NTM: variants seen among roughly 807,000 people sequenced by gnomAD.
NTM encodes the protein IgLON family member 2.
NTM carries 13 observed loss-of-function variants against 42.1 expected under a neutral mutation model. The ratio of observed to expected loss-of-function variants is 0.31; its 90% CI spans 0.20 to 0.49. The LOEUF is 0.49. Ranked by LOEUF, NTM falls within the 20% of genes least tolerant of loss-of-function variation. The probability of loss-of-function intolerance (pLI) is 0.99; values close to 1 mark genes in which losing one functional copy is unlikely to be tolerated. For synonymous variants in NTM, 187 were observed against 179.2 expected, an observed-to-expected ratio of 1.04 and a Z score of -0.35; for missense variants, 373 against 452.8, an observed-to-expected ratio of 0.82 and a Z score of 1.60.
intron 1 of NTM, among the ~76,000 whole-genome samples, chr11:131,379,684 C>T (rs1171428122): frequency 3.3e-5 from 5 of 152,194 alleles, no homozygotes; most frequent in African/African-American, 1.2e-4. Flanking sequence ...TTCTACTACC[C>T]ACAGGACTGG....
At chr11:131,968,040 GCGA>G (rs1322167909) in intron 2 of NTM, among the ~76,000 whole-genome samples, 1 of 152,128 alleles carries the variant, frequency 6.6e-6, no homozygotes. Context: ...ATAAATAAAT[GCGA>G]AACCATGTGC....
At chr11:131,624,188 G>C (rs1199304472) in intron 1 of NTM, among the ~76,000 whole-genome samples, 1 of 152,166 alleles carries the variant, frequency 6.6e-6, no homozygotes, top group Admixed American at 6.5e-5. Flanking sequence ...AGGTCCCTTA[G>C]TGCGGTCCGG....
chr11:131,419,522 G>A lies in NTM; in HGVS notation c.82+48634G>A, dbSNP rs1490711283. On this transcript the variant is annotated intron_variant, in intron 1 of 8. Coordinates refer to ENST00000683400, the MANE Select transcript of NTM (RefSeq NM_001352005.2). ...AGCAGACAGAAGAGCATTTCAGGCA[G>A]AGGGAGCAGAATGAGGGGAGGCAGT... Among the ~76,000 whole-genome samples the A allele has an allele frequency of 3.3e-5, 5 of 152,136 alleles. No individual in the cohort carries two copies. The South Asian group carries it at 8.3e-4, about 25-fold the overall frequency.
intron 1 of NTM, among the ~76,000 whole-genome samples, chr11:131,417,398 G>T (rs1388227503): frequency 6.6e-6 from 1 of 152,170 alleles, no homozygotes; most frequent in African/African-American, 2.4e-5. Flanking sequence ...TATTTTGTTA[G>T]ATATTAAGAG....
chr11:132,148,530 G>T (rs1382913279), intron 3 of NTM, among the ~76,000 whole-genome samples: 1 of 152,126 alleles, frequency 6.6e-6, no homozygotes, highest in Non-Finnish European at 1.5e-5. Context: ...GGAACTATTA[G>T]AGATATTTGC....
At chr11:132,154,229 T>G (rs1212744636) in intron 3 of NTM, among the ~76,000 whole-genome samples, 2 of 152,194 alleles carry the variant, frequency 1.3e-5, no homozygotes, top group Admixed American at 6.5e-5. Flanking sequence ...TGCTACTTTC[T>G]TTCACAAGGA....
chr11:131,703,718 A>G lies in NTM; in HGVS notation c.83-207846A>G, dbSNP rs150785698. Among the ~76,000 whole-genome samples the G allele has an allele frequency of 2.5e-3, 382 of 152,298 alleles. 1 individual carries two copies. Among genetic ancestry groups the G allele is most frequent in the Non-Finnish European group, 4.2e-3 (284 of 68,014 alleles). ...AGCTGCATTGAAGAGAGTAAGAAGG[A>G]GTTTCACATTACTGATGTCACCACC... On this transcript the variant is annotated intron_variant, in intron 1 of 8. Coordinates refer to ENST00000683400, the MANE Select transcript of NTM (RefSeq NM_001352005.2).
At chr11:131,854,275 C>T (rs887973972) in intron 1 of NTM, among the ~76,000 whole-genome samples, 5 of 152,166 alleles carry the variant, frequency 3.3e-5, no homozygotes, top group Non-Finnish European at 2.9e-5. Flanking sequence ...AAAAGACATA[C>T]GAGTTTCTTC....
chr11:131,497,462 C>T (rs936988101), intron 1 of NTM, among the ~76,000 whole-genome samples: 3 of 152,140 alleles, frequency 2.0e-5, no homozygotes, highest in Non-Finnish European at 4.4e-5. Context: ...GCTGGGATTA[C>T]AGACTTGAGC....
Position 131,598,766 on chromosome 11 carries a change from T to TTTCTTTC in NTM, c.82+227880_82+227881insCTTTCTT, listed in dbSNP as rs1555161451. Among the ~76,000 whole-genome samples, 20 of 33,992 alleles carry TTTCTTTC rather than the reference T, an allele frequency of 5.9e-4. 3 individuals are homozygous for TTTCTTTC. The highest frequency in any genetic ancestry group is 1.7e-3 in the African/African-American group (20 of 12,074). The allele number at this position is 33,992 out of a possible 152,430, so 22.3% of individuals were successfully genotyped here. A position where few individuals can be genotyped will look rare whatever the true frequency, so the allele number is the denominator to read the frequency against. ...TTCTTTCTTTCTTTCTTCTTTCTTT[T>TTTCTTTC]TTTCTTTCTTTCTTTCTTCTTTCTT... On this transcript the variant is annotated intron_variant, in intron 1 of 8. Coordinates refer to ENST00000683400, the MANE Select transcript of NTM (RefSeq NM_001352005.2).
chr11:131,609,903 A>G (rs1546401), intron 1 of NTM, among the ~76,000 whole-genome samples: 125,607 of 152,154 alleles, frequency 0.83, 52,180 homozygotes, highest in African/African-American at 0.93. Flanking sequence ...AGCTCAGGTT[A>G]CCTGTTTTTC....
chr11:131,671,972 G>A (rs1032151752), intron 1 of NTM, among the ~76,000 whole-genome samples: 4 of 152,152 alleles, frequency 2.6e-5, no homozygotes, highest in Non-Finnish European at 5.9e-5. Context: ...GCTGTTGGCT[G>A]CCCCCTGGCT....
intron 2 of NTM, among the ~76,000 whole-genome samples, chr11:132,085,751 A>G (rs1038121464): frequency 6.6e-6 from 1 of 152,172 alleles, no homozygotes; most frequent in Non-Finnish European, 1.5e-5. Flanking sequence ...TTGTTACAAG[A>G]TATTTCATTT....
At chr11:131,923,738 C>T (rs901415687) in intron 2 of NTM, among the ~76,000 whole-genome samples, 2 of 152,162 alleles carry the variant, frequency 1.3e-5, no homozygotes, top group Admixed American at 6.5e-5. Context: ...TGAAGTTTCA[C>T]GCGTCATTCA....
At position 132,212,958 on chromosome 11, in the gene NTM, C is replaced by CAA. The variant is rs11442460; in HGVS notation, c.526+821_526+822dup. On this transcript the variant is annotated intron_variant, in intron 4 of 8. Coordinates refer to ENST00000683400, the MANE Select transcript of NTM (RefSeq NM_001352005.2). ...ACTCACATTCTCATGAGACAGATGA[C>CAA]AAAAAAAAAAAGAGTATGCAATATA... Among the ~76,000 whole-genome samples the CAA allele has an allele frequency of 2.7e-4, 38 of 140,316 alleles. 1 individual carries two copies. The highest frequency in any genetic ancestry group is 3.5e-3 in the Middle Eastern group (1 of 284). 92.1% of individuals were successfully genotyped at this position (140,316 alleles called of 152,430 possible).
chr11:131,911,460 G>A (rs767861143), intron 1 of NTM, 104 bp from the exon 2 acceptor site: 4 of 1,613,982 alleles, frequency 2.5e-6, no homozygotes, highest in African/African-American at 2.7e-5. Flanking sequence ...GCCGGAGTTC[G>A]GGGAAGTTGT....
At chr11:132,057,711 C>A (rs2079922740) in intron 2 of NTM, among the ~76,000 whole-genome samples, 1 of 152,184 alleles carries the variant, frequency 6.6e-6, no homozygotes, top group Admixed American at 6.5e-5. Flanking sequence ...ACATAGTAGA[C>A]CCTAAAGAAA....
At chr11:131,825,358 T>A (rs2136462721) in intron 1 of NTM, among the ~76,000 whole-genome samples, 1 of 151,138 alleles carries the variant, frequency 6.6e-6, no homozygotes, top group Non-Finnish European at 1.5e-5. Context: ...TATTAGGGGT[T>A]AGGACTTCAG....
At chr11:131,521,909 C>A (rs1332279802) in intron 1 of NTM, among the ~76,000 whole-genome samples, 3 of 152,082 alleles carry the variant, frequency 2.0e-5, no homozygotes, top group East Asian at 1.9e-4. Flanking sequence ...TGCTGAAGAC[C>A]TTTATGCCTG....
Sources: allele counts gnomAD v4.1 joint callset (sites outside exome capture counted in the v4.1 genomes callset), GRCh38; gene constraint gnomAD v4.1.1; transcripts MANE v1.5; gene names NCBI Gene and HGNC (gene_info 2026-07-23, HGNC 2026-07-21).